The following CASP2 variants were observed in gnomAD, a reference collection of about 807,000 sequenced individuals.
CASP2 encodes caspase 2, also known as caspase-2.
A neutral mutation model predicts 54.4 loss-of-function variants in CASP2; 38 were observed. The ratio of observed to expected loss-of-function variants is 0.70; its 90% CI spans 0.54 to 0.92. The LOEUF is 0.92. CASP2 is among the 40% of genes least tolerant of loss of function. The pLI, the probability that CASP2 is intolerant of heterozygous loss-of-function variation, is 0.00. For synonymous variants in CASP2, 215 were observed against 216.3 expected (o/e 0.99, Z 0.05); for missense variants, 512 against 579.6 (o/e 0.88, Z 1.20).
At chr7:143,299,859 CA>C (rs1286675602) in intron 6 of CASP2, 63 bp from the exon 7 acceptor site, 3 of 1,603,684 alleles carry the variant, frequency 1.9e-6, no homozygotes, top group Non-Finnish European at 2.6e-6. Flanking sequence ...AAAAAGAAAC[CA>C]AACTTTGATG....
intron 1 of CASP2, chr7:143,289,629 C>G (rs1011975111): frequency 7.7e-5 from 76 of 983,482 alleles, no homozygotes; most frequent in Non-Finnish European, 5.8e-5. Context: ...TACTGGTAAA[C>G]TAATGGAAGA....
At chr7:143,298,022 A>C (rs550573389) in intron 6 of CASP2, among the ~76,000 whole-genome samples, 1 of 152,372 alleles carries the variant, frequency 6.6e-6, no homozygotes, top group African/African-American at 2.4e-5. Context: ...TCAATTATCT[A>C]CAAACAGAAG....
rs771060395 is a variant in CASP2 at position 143,304,774 on chromosome 7, G to A, written c.1218G>A (p.Met406Ile). 1.5e-5 allele frequency: 24 copies of A among 1,614,028 alleles called. No individual in the cohort carries two copies. The highest frequency in any genetic ancestry group is 1.9e-5 in the Non-Finnish European group (22 of 1,179,860). ...ERACDMHVAD[M>I]LVKVNALIKD... ...CTTGTGATATGCACGTGGCCGACATGCTGGTTAAGGTGAGCCAGCGGGCTC... is the reference window on the plus strand; with the variant it reads ...CTTGTGATATGCACGTGGCCGACATACTGGTTAAGGTGAGCCAGCGGGCTC... Residue 406 changes from methionine to isoleucine, a missense_variant, in exon 10 of 11, where the codon ATG (methionine) becomes ATA (isoleucine). Met to Ile is a conservative substitution (Grantham distance 10). This residue lies in a region of CASP2 where 417 missense variants were observed against 495.4 expected (regional missense o/e 0.84). Transcript: ENST00000310447.
At position 143,305,170 on chromosome 7, in the gene CASP2, C is replaced by T; in HGVS notation, c.*99C>T. 6.8e-7 allele frequency: 1 copy of T among 1,476,224 alleles called. No homozygotes were observed. Among genetic ancestry groups the T allele is most frequent in the Non-Finnish European group, 9.4e-7 (1 of 1,063,848 alleles). The allele number at this position is 1,476,224 out of a possible 1,614,324, so 91.4% of individuals were successfully genotyped here. A position where few individuals can be genotyped will look rare whatever the true frequency, so the allele number is the denominator to read the frequency against. On this transcript the variant is annotated 3_prime_UTR_variant, in exon 11 of 11. Transcript: ENST00000310447. ...AGGATGCACGGTTTCTGTTCTGCCCCCTCAGGGATGTGGGAATCTCCCAGA... is the reference window on the plus strand; with the variant it reads ...AGGATGCACGGTTTCTGTTCTGCCCTCTCAGGGATGTGGGAATCTCCCAGA...
At chr7:143,300,132 T>C in intron 7 of CASP2, 72 bp from the exon 8 acceptor site, 2 of 1,611,694 alleles carry the variant, frequency 1.2e-6, no homozygotes, top group South Asian at 1.1e-5. Flanking sequence ...TGATGGCTAC[T>C]GTTGCATGTG....
At chr7:143,291,436 T>A in intron 1 of CASP2, 104 bp from the exon 2 acceptor site, 1 of 1,139,804 alleles carries the variant, frequency 8.8e-7, no homozygotes, top group South Asian at 1.2e-5. Context: ...TCTTGGTTAT[T>A]GTAAGTCTTA....
chr7:143,305,395 T>A lies in CASP2; in HGVS notation c.*324T>A, dbSNP rs1427599686. The A allele has an allele frequency of 9.3e-6, 4 of 430,972 alleles. No individual in the cohort carries two copies. Among genetic ancestry groups the A allele is most frequent in the Non-Finnish European group, 1.3e-5 (3 of 230,130 alleles). The allele number at this position is 430,972 out of a possible 1,614,324, so 26.7% of individuals were successfully genotyped here. A position where few individuals can be genotyped will look rare whatever the true frequency, so the allele number is the denominator to read the frequency against. On this transcript the variant is annotated 3_prime_UTR_variant, in exon 11 of 11. Coordinates refer to ENST00000310447, the MANE Select transcript of CASP2 (RefSeq NM_032982.4). ...AGAGGGCATATAAATTCCCCATATT[T>A]GTGTTCAGTTCCAGCTTTTGTAGAT...
chr7:143,300,928 T>C (rs4647322), intron 8 of CASP2: 63,579 of 1,011,068 alleles, frequency 0.063, 2,709 homozygotes, highest in African/African-American at 0.21. Flanking sequence ...GACACATAGG[T>C]GTGCTTCTCA....
At chr7:143,303,427 T>G (rs1342868807) in intron 8 of CASP2, 1 of 192,300 alleles carries the variant, frequency 5.2e-6, no homozygotes. Flanking sequence ...CCAGGCATAT[T>G]GTTAATTGAA....
rs746210101 is a variant in CASP2, at chr7:143,294,240, A to G, written c.486A>G (p.Glu162=). 5 of 1,603,146 alleles carry G rather than the reference A, an allele frequency of 3.1e-6. No homozygotes were observed. The highest frequency in any genetic ancestry group is 4.3e-6 in the Non-Finnish European group (5 of 1,170,094). The part of the protein sequence containing the change: ...KKLRLSTDTV[E]HSLDNKDGPV... ...CTGTCTATACCACAGATACTGTGGAACACTCCCTAGACAATAAAGATGGTC... is the reference window on the plus strand; with the variant it reads ...CTGTCTATACCACAGATACTGTGGAGCACTCCCTAGACAATAAAGATGGTC... Residue 162 remains glutamate, a synonymous_variant, in exon 5 of 11, where the codon GAA becomes GAG. Transcript: ENST00000310447.
rs773862702 is a variant in CASP2 at position 143,294,689 on chromosome 7, A to T, written c.663A>T (p.Gly221=). ...AGAAAGAACTGGAATTTCGCTCTGG[A>T]GGGGATGTGGACCACAGTACTCTAG... The part of the protein sequence containing the change: ...TGEKELEFRS[G]GDVDHSTLVT... Residue 221 remains glycine (G), a synonymous_variant, in exon 6 of 11, where the codon GGA becomes GGT. Coordinates refer to ENST00000310447, the MANE Select transcript of CASP2 (RefSeq NM_032982.4). The T allele has an allele frequency of 1.2e-6, 2 of 1,614,112 alleles. No individual in the cohort carries two copies. The highest frequency in any genetic ancestry group is 1.7e-6 in the Non-Finnish European group (2 of 1,179,994).
rs1459431247 is a variant in CASP2 at position 143,300,054 on chromosome 7, G to A, written c.876+3G>A. 3 of 1,614,120 alleles carry A rather than the reference G, an allele frequency of 1.9e-6. No individual in the cohort carries two copies. The highest frequency in any genetic ancestry group is 1.1e-5 in the South Asian group (1 of 91,084). ...GTGTGGATGGGAAACTGCTCCAGGT[G>A]CGGATACCCTGGTGGAAGCCAACTG... On this transcript the variant is annotated splice_donor_region_variant and intron_variant, in intron 7 of 10. Transcript: ENST00000310447.
chr7:143,292,266 A>G (rs751417729), intron 2 of CASP2, 34 bp from the exon 3 acceptor site: 54 of 1,607,654 alleles, frequency 3.4e-5, no homozygotes, highest in Non-Finnish European at 4.3e-5. Flanking sequence ...CTAGAGAAGT[A>G]AATATGATTT....
chr7:143,292,030 G>T (rs764665711), intron 2 of CASP2, among the ~76,000 whole-genome samples: 3 of 151,774 alleles, frequency 2.0e-5, no homozygotes, highest in Non-Finnish European at 2.9e-5. Context: ...CACCTGCCTC[G>T]GCCTCCCAAA....
Position 143,306,700 on chromosome 7 carries a change from T to G in CASP2, c.*1629T>G, listed in dbSNP as rs561850749. The G allele has an allele frequency of 6.6e-6, 1 of 152,178 alleles. No homozygotes were observed. The highest frequency in any genetic ancestry group is 1.5e-5 in the Non-Finnish European group (1 of 68,056). The allele number at this position is 152,178 out of a possible 1,614,324, so 9.4% of individuals were successfully genotyped here. A position where few individuals can be genotyped will look rare whatever the true frequency, so the allele number is the denominator to read the frequency against. ...TTTTTAAGGTGAGTTCTCACTATGT[T>G]TCTCAGACTGGTCTCGAACTCCTGG... On this transcript the variant is annotated 3_prime_UTR_variant, in exon 11 of 11. Coordinates refer to ENST00000310447, the MANE Select transcript of CASP2 (RefSeq NM_032982.4).
chr7:143,303,701 G>C, intron 8 of CASP2, 83 bp from the exon 9 acceptor site: 1 of 1,280,616 alleles, frequency 7.8e-7, no homozygotes, highest in Non-Finnish European at 1.1e-6. Flanking sequence ...CAAGGTTGTA[G>C]GGAACGTGGG....
At chr7:143,289,729 T>G in intron 1 of CASP2, 1 of 446,554 alleles carries the variant, frequency 2.2e-6, no homozygotes, top group Non-Finnish European at 3.0e-6. Flanking sequence ...GATTCATTCT[T>G]AAATAGGTTT....
rs560468482 is a variant in CASP2 at position 143,288,500 on chromosome 7, G to A, written c.45G>A (p.Lys15=). 29 of 1,613,326 alleles carry A rather than the reference G, an allele frequency of 1.8e-5. No individual in the cohort carries two copies. Among genetic ancestry groups the A allele is most frequent in the Non-Finnish European group, 2.5e-5 (29 of 1,179,698 alleles). The change falls in exon 1 of 11, where the codon AAG becomes AAA. Residue 15 remains lysine, a synonymous_variant. Coordinates refer to ENST00000310447, the MANE Select transcript of CASP2 (RefSeq NM_032982.4). ...SAGSWSTFQH[K]ELMAADRGRR... ...GGTCTTGGTCCACCTTCCAGCACAA[G>A]GAGCTGATGGCCGCTGACAGGGGAC...
intron 6 of CASP2, among the ~76,000 whole-genome samples, chr7:143,297,398 C>G (rs1237853466): frequency 6.6e-6 from 1 of 152,142 alleles, no homozygotes. Flanking sequence ...CCTAATCTCA[C>G]TAAATTCAAA....
Sources: gnomAD v4.1 joint callset for allele counts (sites outside exome capture counted in the v4.1 genomes callset) on GRCh38, gnomAD v4.1.1 for gene constraint, gnomAD v4.1.1 regional missense constraint, MANE v1.5 for transcripts, NCBI Gene and HGNC (gene_info 2026-07-23, HGNC 2026-07-21) for gene names.